Variants in RNF111 observed in about 807,000 individuals in gnomAD.
RNF111 encodes ring finger protein 111, also known as E3 ubiquitin-protein ligase Arkadia.
A neutral mutation model predicts 95.1 loss-of-function variants in RNF111; 17 were observed. The ratio of observed to expected loss-of-function variants is 0.18; its 90% CI spans 0.12 to 0.27. The LOEUF is 0.27. Among genes scored for constraint, RNF111 ranks in the 10% least tolerant of loss-of-function variants. The probability of loss-of-function intolerance (pLI) is 1.00; values close to 1 mark genes in which losing one functional copy is unlikely to be tolerated. For synonymous variants in RNF111, 440 were observed against 414.8 expected (o/e 1.06, Z -0.74); for missense variants, 1,189 against 1,210.4 (o/e 0.98, Z 0.26).
intron 3 of RNF111, among the ~76,000 whole-genome samples, chr15:59,054,734 C>T (rs1352958720): frequency 6.6e-6 from 1 of 152,100 alleles, no homozygotes; most frequent in Non-Finnish European, 1.5e-5. Flanking sequence ...AGGCCATTTT[C>T]AGCCCACTTT....
chr15:59,046,530 A>G (rs1400326352), intron 2 of RNF111, among the ~76,000 whole-genome samples: 2 of 152,194 alleles, frequency 1.3e-5, no homozygotes, highest in Non-Finnish European at 2.9e-5. Flanking sequence ...TCATATGCAG[A>G]AAAGATAAAT....
chr15:59,013,365 T>C (rs905931516), intron 1 of RNF111, among the ~76,000 whole-genome samples: 8 of 152,214 alleles, frequency 5.3e-5, no homozygotes, highest in African/African-American at 1.9e-4. Context: ...TAATATTTCA[T>C]TGTAGACTCT....
At chr15:59,071,690 C>CAA (rs1208515921) in intron 6 of RNF111, among the ~76,000 whole-genome samples, 7 of 119,686 alleles carry the variant, frequency 5.8e-5, no homozygotes, top group East Asian at 2.3e-4. Context: ...GATCCTGTCG[C>CAA]AAAAAAAAAA....
chr15:59,051,025 A>T (rs1450926973), intron 2 of RNF111, among the ~76,000 whole-genome samples: 1 of 152,214 alleles, frequency 6.6e-6, no homozygotes, highest in Non-Finnish European at 1.5e-5. Flanking sequence ...GTCATAACAA[A>T]AATCAGTTCT....
At chr15:59,037,818 A>G (rs2041255438) in intron 2 of RNF111, among the ~76,000 whole-genome samples, 1 of 152,170 alleles carries the variant, frequency 6.6e-6, no homozygotes, top group Non-Finnish European at 1.5e-5. Context: ...CCTGGGCAAC[A>G]AGAGTGAAAC....
intron 4 of RNF111, among the ~76,000 whole-genome samples, chr15:59,056,930 C>G (rs563474663): frequency 6.6e-6 from 1 of 152,230 alleles, no homozygotes; most frequent in South Asian, 2.1e-4. Flanking sequence ...GTAAGTTCAA[C>G]CAGAATTTAC....
At chr15:59,084,064 T>C in intron 8 of RNF111, 65 bp from the exon 9 acceptor site, 1 of 1,456,352 alleles carries the variant, frequency 6.9e-7, no homozygotes, top group Non-Finnish European at 9.1e-7. Flanking sequence ...TTTTTCTACA[T>C]TAAGAAAAGA....
chr15:59,086,852 A>G (rs1034169452), intron 10 of RNF111, among the ~76,000 whole-genome samples: 1 of 152,228 alleles, frequency 6.6e-6, no homozygotes. Flanking sequence ...GATCAAATTT[A>G]TGATTTTAGA....
chr15:59,082,721 T>A (rs191969817), intron 8 of RNF111, among the ~76,000 whole-genome samples: 130 of 152,300 alleles, frequency 8.5e-4, no homozygotes, highest in South Asian at 2.5e-3. Context: ...TGAAAAAATT[T>A]CCCGTTTTAC....
rs536808150 is a variant in RNF111, at chr15:59,075,860, TG to T, written c.1687-93del. 1,597 of 1,325,650 alleles carry T rather than the reference TG, an allele frequency of 1.2e-3. 20 individuals carry two copies. The highest frequency in any genetic ancestry group is 9.7e-3 in the South Asian group (675 of 69,906). The allele number at this position is 1,325,650 out of a possible 1,614,324, so 82.1% of individuals were successfully genotyped here. ...TGGTTTCAAACTAATTTAAAGATTA[TG>T]TTTTTTTGGTTATATTAGGAATACT... On this transcript the variant is annotated intron_variant, in intron 6 of 13. Transcript: ENST00000348370.
intron 10 of RNF111, among the ~76,000 whole-genome samples, chr15:59,088,148 GT>G (rs1352460432): frequency 2.6e-5 from 4 of 152,170 alleles, no homozygotes; most frequent in Non-Finnish European, 5.9e-5. Flanking sequence ...GAGAGGAATT[GT>G]TTGAAGATAT....
chr15:59,044,581 T>G (rs2041620666), intron 2 of RNF111, among the ~76,000 whole-genome samples: 1 of 152,082 alleles, frequency 6.6e-6, no homozygotes, highest in Non-Finnish European at 1.5e-5. Context: ...GTTATTTTTC[T>G]CATGATGTTT....
chr15:59,092,473 CTT>C (rs1212117591), intron 12 of RNF111, 62 bp from the exon 13 acceptor site: 1 of 1,519,266 alleles, frequency 6.6e-7, no homozygotes, highest in East Asian at 2.5e-5. Flanking sequence ...TAAACACAGA[CTT>C]TACTCAGTTG....
At chr15:59,031,898 G>A (rs1204827985) in intron 2 of RNF111, among the ~76,000 whole-genome samples, 196 bp downstream of exon 2, 2 of 151,984 alleles carry the variant, frequency 1.3e-5, no homozygotes, top group Non-Finnish European at 2.9e-5. Flanking sequence ...AAAATTTCTA[G>A]TGACAAAAAT....
chr15:59,055,053 A>C (rs1377537752), intron 3 of RNF111, among the ~76,000 whole-genome samples: 1 of 152,210 alleles, frequency 6.6e-6, no homozygotes. Context: ...CACATACTTA[A>C]ATGAAGTTAG....
intron 10 of RNF111, among the ~76,000 whole-genome samples, chr15:59,086,374 C>A (rs555352142): frequency 4.2e-4 from 64 of 152,358 alleles, no homozygotes; most frequent in African/African-American, 1.4e-3. Flanking sequence ...CCACCTTGGC[C>A]TCCCAAAGTG....
chr15:59,065,391 A>G lies in RNF111; in HGVS notation c.1367-1373A>G, dbSNP rs2042611898. 2.0e-5 allele frequency among the ~76,000 whole-genome samples: 3 copies of G among 152,224 alleles called. No homozygotes were observed. The South Asian group carries it at 6.2e-4, about 32-fold the overall frequency. On this transcript the variant is annotated intron_variant, in intron 5 of 13. Transcript: ENST00000348370. ...TTCTGCCATAGAAGAACATACCTTC[A>G]AAATAACTGGGCATGTGGCGGAGAG...
chr15:59,073,491 A>AT (rs2043031911), intron 6 of RNF111, among the ~76,000 whole-genome samples: 1 of 139,692 alleles, frequency 7.2e-6, no homozygotes, highest in African/African-American at 2.8e-5. Context: ...CAAAAAAAAA[A>AT]AAAATAAATA....
intron 1 of RNF111, among the ~76,000 whole-genome samples, chr15:59,000,780 TCTC>T (rs2039293793): frequency 6.6e-6 from 1 of 152,106 alleles, no homozygotes; most frequent in African/African-American, 2.4e-5. Flanking sequence ...AGCCCACTAT[TCTC>T]CTTTCATCCC....
Sources: gnomAD v4.1 joint callset for allele counts (sites outside exome capture counted in the v4.1 genomes callset) on GRCh38, gnomAD v4.1.1 for gene constraint, MANE v1.5 for transcripts, NCBI Gene and HGNC (gene_info 2026-07-23, HGNC 2026-07-21) for gene names.